Variants in FCSK observed in about 807,000 individuals in gnomAD.
FCSK encodes the protein L-fucose kinase.
A neutral mutation model predicts 122.5 loss-of-function variants in FCSK; 123 were observed. The ratio of observed to expected loss-of-function variants is 1.00; its 90% CI spans 0.87 to 1.17. The LOEUF (loss-of-function observed/expected upper bound fraction) is 1.17. FCSK is among the 50% of genes most tolerant of loss of function. The pLI is 0.00. For missense variants in FCSK, 1,366 were observed against 1,450.4 expected, an observed-to-expected ratio of 0.94 and a Z score of 0.95; for synonymous variants, 620 against 625.5, an observed-to-expected ratio of 0.99 and a Z score of 0.13.
intron 1 of FCSK, among the ~76,000 whole-genome samples, chr16:70,460,103 T>G: frequency 7.2e-6 from 1 of 139,246 alleles, no homozygotes; most frequent in Admixed American, 6.9e-5. Flanking sequence ...ACGTCTAGCC[T>G]CTTTTTTTTT....
chr16:70,474,707 T>A lies in FCSK; in HGVS notation c.2155+13T>A. 6.3e-7 allele frequency: 1 copy of A among 1,593,648 alleles called. No individual in the cohort carries two copies. The highest frequency in any genetic ancestry group is 8.5e-7 in the Non-Finnish European group (1 of 1,169,974). On this transcript the variant is annotated intron_variant, in intron 17 of 23. Coordinates refer to ENST00000288078, the MANE Select transcript of FCSK (RefSeq NM_145059.3). ...GTGGATTTCTCTGGTGAGCCCCTTG[T>A]GGCAGGTGGGGTTGAGGGTAGCTGC...
In FCSK at chr16:70,479,625, G is replaced by A. The variant is rs1342360812; in HGVS notation, c.3200G>A (p.Gly1067Asp). 6.2e-7 allele frequency: 1 copy of A among 1,614,160 alleles called. No homozygotes were observed. ...SIHLVEVDTQ[G>D]LSLKLLGTEA... Reference sequence around the variant, plus strand: ...CACCTGGTTGAAGTGGACACTCAGGGCCTGAGCCTGAAGCTGCTGGGGACC... The same window carrying A: ...CACCTGGTTGAAGTGGACACTCAGGACCTGAGCCTGAAGCTGCTGGGGACC... The change falls in exon 24 of 24, where the codon GGC (glycine) becomes GAC (aspartate). Residue 1067 changes from glycine (G) to aspartate (D), a missense_variant. Gly to Asp is a moderately conservative substitution (Grantham distance 94). Coordinates refer to ENST00000288078, the MANE Select transcript of FCSK (RefSeq NM_145059.3).
In FCSK at chr16:70,466,172, C is replaced by A. The variant is rs774687912; in HGVS notation, c.326C>A (p.Thr109Asn). Residue 109 changes from threonine to asparagine, a missense_variant, in exon 5 of 24, where the codon ACC becomes AAC. By Grantham distance (65) the Thr-to-Asn change is moderately conservative. Transcript: ENST00000288078. ...TTTGATGACTGTGGCAGGGCTTTCACCTGCCTCCCCGTGGAGAACCCCGAG... is the reference window on the plus strand; with the variant it reads ...TTTGATGACTGTGGCAGGGCTTTCAACTGCCTCCCCGTGGAGAACCCCGAG... ...FPFDDCGRAF[T>N]CLPVENPEAP... 3 of 1,613,942 alleles carry A rather than the reference C, an allele frequency of 1.9e-6. No homozygotes were observed. Among genetic ancestry groups the A allele is most frequent in the Non-Finnish European group, 1.7e-6 (2 of 1,179,920 alleles).
rs1259216242 is a variant in FCSK at position 70,454,628 on chromosome 16, C to T, written c.-25C>T. ...CGCTCCGCCGAGCGCCGGGCGACGGCAGGTACGTCAGTCCGCGAGGGTCGC... is the reference window on the plus strand; with the variant it reads ...CGCTCCGCCGAGCGCCGGGCGACGGTAGGTACGTCAGTCCGCGAGGGTCGC... On this transcript the variant is annotated splice_region_variant and 5_prime_UTR_variant, in exon 1 of 24. Coordinates refer to ENST00000288078, the MANE Select transcript of FCSK (RefSeq NM_145059.3). 2.0e-5 allele frequency: 3 copies of T among 151,394 alleles called. No homozygotes were observed. The highest frequency in any genetic ancestry group is 4.4e-5 in the Non-Finnish European group (3 of 68,000). The allele number at this position is 151,394 out of a possible 1,614,324, so 9.4% of individuals were successfully genotyped here.
At chr16:70,472,926 G>A in intron 14 of FCSK, 57 bp from the exon 15 acceptor site, 2 of 1,536,574 alleles carry the variant, frequency 1.3e-6, no homozygotes, top group Non-Finnish European at 1.8e-6. Context: ...TCAGGGCTTG[G>A]GGAAGAGACT....
intron 4 of FCSK, 74 bp downstream of exon 4, chr16:70,465,250 G>A: frequency 7.1e-7 from 1 of 1,414,924 alleles, no homozygotes; most frequent in Non-Finnish European, 9.7e-7. Context: ...GGACTTCAGG[G>A]GTGTTCTGCC....
chr16:70,473,986 G>A lies in FCSK; in HGVS notation c.1778-143G>A, dbSNP rs1434727202. 2.7e-6 allele frequency: 2 copies of A among 741,218 alleles called. No individual in the cohort carries two copies. The highest frequency in any genetic ancestry group is 4.5e-6 in the Non-Finnish European group (2 of 443,612). The allele number at this position is 741,218 out of a possible 1,614,324, so 45.9% of individuals were successfully genotyped here. A position where few individuals can be genotyped will look rare whatever the true frequency, so the allele number is the denominator to read the frequency against. ...CTGCCAGGCAGAGAGCAGGAGTGCA[G>A]TTACAGTCAAAGATACATTGTGGGC... On this transcript the variant is annotated intron_variant, in intron 15 of 23. Coordinates refer to ENST00000288078, the MANE Select transcript of FCSK (RefSeq NM_145059.3). This position sits in a 1 kb window ranked among gnomAD's most constrained non-coding sequence, Gnocchi z 4.9.
Position 70,479,946 on chromosome 16 carries a change from A to C in FCSK, c.*266A>C. ...ATCCCACGTGGCCTTTACAAATCCT[A>C]TGGCTGGCCTTCTCATTCCACAAGG... On this transcript the variant is annotated 3_prime_UTR_variant, in exon 24 of 24. Transcript: ENST00000288078. 6 of 321,130 alleles carry C rather than the reference A, an allele frequency of 1.9e-5. No homozygotes were observed. The highest frequency in any genetic ancestry group is 1.7e-5 in the Non-Finnish European group (3 of 173,168). The allele number at this position is 321,130 out of a possible 1,614,324, so 19.9% of individuals were successfully genotyped here.
Position 70,479,309 on chromosome 16 carries a change from G to A in FCSK, c.3059G>A (p.Ser1020Asn). Residue 1020 changes from serine (S) to asparagine (N), a missense_variant, in exon 23 of 24, where the codon AGC becomes AAC. Coordinates refer to ENST00000288078, the MANE Select transcript of FCSK (RefSeq NM_145059.3). ...CTGGCCCCCCACGTGCATGGCCAGA[G>A]CCTGGCTGGGGCAGGCGGTGGAGGC... The part of the protein sequence containing the change: ...DVLAPHVHGQ[S>N]LAGAGGGGFL... 6.2e-7 allele frequency: 1 copy of A among 1,614,090 alleles called. No homozygotes were observed. Among genetic ancestry groups the A allele is most frequent in the African/African-American group, 1.3e-5 (1 of 75,070 alleles).
At chr16:70,464,485 C>G (rs2048357346) in intron 3 of FCSK, among the ~76,000 whole-genome samples, 1 of 152,076 alleles carries the variant, frequency 6.6e-6, no homozygotes, top group African/African-American at 2.4e-5. Context: ...AACCCCGTCT[C>G]TACTAAAAAT....
At chr16:70,460,268 C>A (rs375101310) in intron 1 of FCSK, among the ~76,000 whole-genome samples, 1 of 151,728 alleles carries the variant, frequency 6.6e-6, no homozygotes, top group African/African-American at 2.4e-5. Flanking sequence ...CCCGCCACCA[C>A]GCCCAGCTAA....
chr16:70,478,839 T>A (rs778079934), intron 22 of FCSK, 189 bp downstream of exon 22: 9 of 706,298 alleles, frequency 1.3e-5, no homozygotes, highest in South Asian at 1.0e-4. Flanking sequence ...GACAAAATTT[T>A]CATCATGGGA....
In FCSK at chr16:70,470,835, G is replaced by A. The variant is rs958438003; in HGVS notation, c.1069-136G>A. The stretch of plus-strand genomic sequence containing the variant: ...TCAGGCTGGGGCCAAGGCAGGTCCA[G>A]AGAGGAGTCTAGGGTGCTGCAGGGC... On this transcript the variant is annotated intron_variant, in intron 11 of 23. Transcript: ENST00000288078. 3 of 732,964 alleles carry A rather than the reference G, an allele frequency of 4.1e-6. No homozygotes were observed. The African/African-American group carries it at 5.4e-5, about 13-fold the overall frequency. 45.4% of individuals were successfully genotyped at this position (732,964 alleles called of 1,614,324 possible).
chr16:70,478,845 T>C (rs1597644913), intron 22 of FCSK, 195 bp downstream of exon 22: 3 of 703,080 alleles, frequency 4.3e-6, no homozygotes, highest in Middle Eastern at 4.6e-4. Flanking sequence ...ATTTTCATCA[T>C]GGGAAAGGCC....
chr16:70,472,538 C>G lies in FCSK; in HGVS notation c.1342-3C>G. ...GCCCTGACTGCTTCTTCCTCTCCCC[C>G]AGAGACAGGGGGCAGGCACATATCT... On this transcript the variant is annotated splice_region_variant and splice_polypyrimidine_tract_variant and intron_variant, in intron 13 of 23. Transcript: ENST00000288078. 2 of 1,611,796 alleles carry G rather than the reference C, an allele frequency of 1.2e-6. No individual in the cohort carries two copies. The highest frequency in any genetic ancestry group is 2.2e-5 in the South Asian group (2 of 90,692).
At position 70,479,230 on chromosome 16, in the gene FCSK, A is replaced by T. The variant is rs199515460; in HGVS notation, c.2980A>T (p.Lys994Ter). 2 of 1,613,774 alleles carry T rather than the reference A, an allele frequency of 1.2e-6. No homozygotes were observed. Among genetic ancestry groups the T allele is most frequent in the African/African-American group, 2.7e-5 (2 of 74,942 alleles). The change falls in exon 23 of 24, where the codon AAG becomes TAG. Residue 994 changes from lysine to a stop codon, truncating the protein, a stop_gained. Coordinates refer to ENST00000288078, the MANE Select transcript of FCSK (RefSeq NM_145059.3). LOFTEE classifies it high-confidence loss of function. ...CCTGACCTCGTACTGGGAGCAGAAG[A>T]AGCTCATGGCTCCAGGCTGTGAGCC... ...QCLTSYWEQK[K>*]LMAPGCEPLT...
intron 9 of FCSK, 45 bp from the exon 10 acceptor site, chr16:70,469,107 G>C (rs1393516687): frequency 6.2e-7 from 1 of 1,611,706 alleles, no homozygotes; most frequent in Middle Eastern, 1.7e-4. Context: ...CTTGGGGGCT[G>C]AACCCCTGCC....
In FCSK at chr16:70,456,092, A is replaced by C. The variant is rs2048087482; in HGVS notation, c.-23+1462A>C. On this transcript the variant is annotated intron_variant, in intron 1 of 23. Coordinates refer to ENST00000288078, the MANE Select transcript of FCSK (RefSeq NM_145059.3). ...GAGGCTGGGATGGGAGGATCGCTGGAGCCCGGGAGTTTGAGGCTGCAGTGA... is the reference window on the plus strand; with the variant it reads ...GAGGCTGGGATGGGAGGATCGCTGGCGCCCGGGAGTTTGAGGCTGCAGTGA... Among the ~76,000 whole-genome samples the C allele has an allele frequency of 2.6e-5, 4 of 152,182 alleles. No individual in the cohort carries two copies. The South Asian group carries it at 6.2e-4, about 24-fold the overall frequency.
intron 1 of FCSK, 66 bp downstream of exon 1, chr16:70,454,696 G>C (rs2048032684): frequency 6.6e-6 from 1 of 152,198 alleles, no homozygotes; most frequent in Non-Finnish European, 1.5e-5. Flanking sequence ...CGCCCCCTCA[G>C]CTTTCCGGTG....
Sources: gnomAD v4.1 joint callset for allele counts (sites outside exome capture counted in the v4.1 genomes callset) on GRCh38, gnomAD v4.1.1 for gene constraint, Gnocchi (gnomAD v3.1) non-coding constraint, MANE v1.5 for transcripts, NCBI Gene and HGNC (gene_info 2026-07-23, HGNC 2026-07-21) for gene names.